Variants in PALS2 observed in about 807,000 individuals in gnomAD.
PALS2 encodes the protein protein PALS2.
A neutral mutation model predicts 61.6 loss-of-function variants in PALS2; 27 were observed. The observed-to-expected ratio is 0.44, with a 90% CI of 0.32 to 0.60. The LOEUF is 0.60. PALS2 is among the 20% of genes least tolerant of loss of function. The pLI, the probability that PALS2 is intolerant of heterozygous loss-of-function variation, is 0.05. For missense variants in PALS2, 554 were observed against 639.4 expected (o/e 0.87, Z 1.44); for synonymous variants, 236 against 218.6 (o/e 1.08, Z -0.70).
At chr7:24,686,037 C>CTT (rs1355051167) in intron 11 of PALS2, among the ~76,000 whole-genome samples, 1 of 152,186 alleles carries the variant, frequency 6.6e-6, no homozygotes, top group Non-Finnish European at 1.5e-5. Context: ...AAGTAGCACA[C>CTT]TTTGTTTCCC....
intron 4 of PALS2, 128 bp downstream of exon 4, chr7:24,649,892 G>GTCTT: frequency 1.2e-6 from 1 of 866,662 alleles, no homozygotes; most frequent in Non-Finnish European, 1.6e-6. Context: ...TTTGGCCTGT[G>GTCTT]TATAAAGACA....
At chr7:24,597,528 A>T (rs1783568404) in intron 1 of PALS2, among the ~76,000 whole-genome samples, 1 of 152,154 alleles carries the variant, frequency 6.6e-6, no homozygotes, top group South Asian at 2.1e-4. Context: ...CCATATAGGG[A>T]TTTTTAAAAG....
chr7:24,675,841 G>A lies in PALS2; in HGVS notation c.1115-3290G>A, dbSNP rs561603495. On this transcript the variant is annotated intron_variant, in intron 9 of 11. Coordinates refer to ENST00000222644, the MANE Select transcript of PALS2 (RefSeq NM_001303037.2). ...AGTCTTTGCTATTATGAATAATGCC[G>A]CAATAAACATACGTGTGCATGTGTC... is the stretch of plus-strand genomic sequence containing the variant. 7.1e-5 allele frequency among the ~76,000 whole-genome samples: 9 copies of A among 127,010 alleles called. No individual in the cohort carries two copies. The South Asian group carries it at 1.9e-3, about 27-fold the overall frequency. The allele number at this position is 127,010 out of a possible 152,430, so 83.3% of individuals were successfully genotyped here.
At chr7:24,592,595 T>C (rs2128043932) in intron 1 of PALS2, among the ~76,000 whole-genome samples, 1 of 152,198 alleles carries the variant, frequency 6.6e-6, no homozygotes, top group Non-Finnish European at 1.5e-5. Context: ...GGAAAATAAA[T>C]ACAGGCATAC....
At chr7:24,594,757 C>T (rs565051829) in intron 1 of PALS2, among the ~76,000 whole-genome samples, 6 of 152,134 alleles carry the variant, frequency 3.9e-5, no homozygotes, top group African/African-American at 1.4e-4. Context: ...ATTACCTTGA[C>T]CCTATCACCA....
intron 5 of PALS2, among the ~76,000 whole-genome samples, chr7:24,660,551 C>A (rs1158474149): frequency 1.3e-5 from 2 of 152,082 alleles, no homozygotes; most frequent in Non-Finnish European, 2.9e-5. Flanking sequence ...CAAACACACA[C>A]ACACACACAC....
intron 1 of PALS2, among the ~76,000 whole-genome samples, chr7:24,598,967 A>G (rs951816579): frequency 9.9e-5 from 15 of 152,212 alleles, no homozygotes; most frequent in Admixed American, 7.2e-4. Context: ...TTCGCCCAGT[A>G]CTTTAAAGGA....
chr7:24,679,938 G>A (rs1787830497), intron 10 of PALS2, among the ~76,000 whole-genome samples: 1 of 151,990 alleles, frequency 6.6e-6, no homozygotes, highest in South Asian at 2.1e-4. Context: ...ATTCTATATA[G>A]ATTCTTCAGG....
Position 24,693,643 on chromosome 7 carries a change from A to C in PALS2, c.*6029A>C, listed in dbSNP as rs1299047859. 1 of 152,194 alleles carries C rather than the reference A, an allele frequency of 6.6e-6. No individual in the cohort carries two copies. The highest frequency in any genetic ancestry group is 1.5e-5 in the Non-Finnish European group (1 of 68,028). The allele number at this position is 152,194 out of a possible 1,614,324, so 9.4% of individuals were successfully genotyped here. A position where few individuals can be genotyped will look rare whatever the true frequency, so the allele number is the denominator to read the frequency against. ...CAGATTTCAGGCATAGCTCAGCTAC[A>C]TCTGTATTTGAAATACAATAAAAAT... On this transcript the variant is annotated 3_prime_UTR_variant, in exon 12 of 12. Transcript: ENST00000222644.
At chr7:24,650,750 T>C (rs550379720) in intron 5 of PALS2, 38 bp downstream of exon 5, 1 of 1,315,672 alleles carries the variant, frequency 7.6e-7, no homozygotes, top group African/African-American at 1.5e-5. Context: ...AAAAATACTT[T>C]CATGTTTTTA....
chr7:24,617,472 A>G (rs1490302706), intron 1 of PALS2, among the ~76,000 whole-genome samples: 1 of 152,182 alleles, frequency 6.6e-6, no homozygotes, highest in Non-Finnish European at 1.5e-5. Context: ...GTAGCTCTAC[A>G]TTGATTTATT....
At position 24,689,574 on chromosome 7, in the gene PALS2, T is replaced by C. The variant is rs1475172521; in HGVS notation, c.*1960T>C. On this transcript the variant is annotated 3_prime_UTR_variant, in exon 12 of 12. Transcript: ENST00000222644. Reference sequence around the variant, plus strand: ...ATTGTTAAAGTTGGAAATCTATAGGTTTTTCTTTTTTTTTTTTTTTTTCTT... The same window carrying C: ...ATTGTTAAAGTTGGAAATCTATAGGCTTTTCTTTTTTTTTTTTTTTTTCTT... 6.7e-6 allele frequency: 1 copy of C among 149,430 alleles called. No homozygotes were observed. The highest frequency in any genetic ancestry group is 2.5e-5 in the African/African-American group (1 of 40,500). 9.3% of individuals were successfully genotyped at this position (149,430 alleles called of 1,614,324 possible). A position where few individuals can be genotyped will look rare whatever the true frequency, so the allele number is the denominator to read the frequency against.
chr7:24,584,716 T>G (rs1391080056), intron 1 of PALS2, among the ~76,000 whole-genome samples: 3 of 152,076 alleles, frequency 2.0e-5, no homozygotes, highest in Non-Finnish European at 2.9e-5. Flanking sequence ...CTTTTGGTGT[T>G]TTAGACATGA....
intron 1 of PALS2, among the ~76,000 whole-genome samples, chr7:24,574,572 G>T (rs1782578136): frequency 6.6e-6 from 1 of 152,110 alleles, no homozygotes; most frequent in South Asian, 2.1e-4. Context: ...TGCCGGGGAA[G>T]CTCAGAAAAT....
intron 2 of PALS2, among the ~76,000 whole-genome samples, chr7:24,641,324 T>C (rs1289815847): frequency 6.6e-6 from 1 of 152,104 alleles, no homozygotes; most frequent in Non-Finnish European, 1.5e-5. Flanking sequence ...TTGTTTTTAT[T>C]ATGCTTAATC....
chr7:24,597,817 T>G (rs1783578871), intron 1 of PALS2, among the ~76,000 whole-genome samples: 1 of 152,172 alleles, frequency 6.6e-6, no homozygotes, highest in Non-Finnish European at 1.5e-5. Context: ...CTTTTTCTTC[T>G]GACAAAGTAG....
chr7:24,640,667 C>G (rs1785484026), intron 2 of PALS2, among the ~76,000 whole-genome samples: 1 of 152,148 alleles, frequency 6.6e-6, no homozygotes, highest in African/African-American at 2.4e-5. Flanking sequence ...TGTTCATTCT[C>G]AATTTGAACT....
rs146157395 is a variant in PALS2, at chr7:24,605,952, G to A, written c.-2-17714G>A. ...TAAAAGATTTTATTAGGTGAAACAT[G>A]CTTGGCATCATTTCTCAAGTCATGG... On this transcript the variant is annotated intron_variant, in intron 1 of 11. Coordinates refer to ENST00000222644, the MANE Select transcript of PALS2 (RefSeq NM_001303037.2). Among the ~76,000 whole-genome samples the A allele has an allele frequency of 5.6e-3, 854 of 152,164 alleles. 6 individuals carry two copies. Among genetic ancestry groups the A allele is most frequent in the Non-Finnish European group, 8.2e-3 (554 of 67,972 alleles).
At chr7:24,581,912 A>G (rs1782860374) in intron 1 of PALS2, among the ~76,000 whole-genome samples, 1 of 152,188 alleles carries the variant, frequency 6.6e-6, no homozygotes, top group Non-Finnish European at 1.5e-5. Context: ...ATTGACACAT[A>G]TCTTAAATAA....
Sources: allele counts gnomAD v4.1 joint callset (sites outside exome capture counted in the v4.1 genomes callset), GRCh38; gene constraint gnomAD v4.1.1; transcripts MANE v1.5; gene names NCBI Gene and HGNC (gene_info 2026-07-23, HGNC 2026-07-21).